The following ATF7IP variants were observed in gnomAD, a reference collection of about 807,000 sequenced individuals.
The protein encoded by ATF7IP is activating transcription factor 7-interacting protein 1.
A neutral mutation model predicts 106.4 loss-of-function variants in ATF7IP; 23 were observed. The ratio of observed to expected loss-of-function variants is 0.22; its 90% CI spans 0.16 to 0.31. The LOEUF (loss-of-function observed/expected upper bound fraction) is 0.31. Ranked by LOEUF, ATF7IP falls within the 10% of genes least tolerant of loss-of-function variation. The pLI is 1.00. For synonymous variants in ATF7IP, 542 were observed against 539.0 expected (o/e 1.01, Z -0.08); for missense variants, 1,334 against 1,524.3 (o/e 0.88, Z 2.08).
intron 4 of ATF7IP, among the ~76,000 whole-genome samples, chr12:14,437,288 C>A (rs541271276): frequency 6.6e-6 from 1 of 152,192 alleles, no homozygotes; most frequent in Non-Finnish European, 1.5e-5. Flanking sequence ...TGTTTTAGGA[C>A]AAAATTCTTT....
chr12:14,491,427 A>G (rs1350167716), intron 13 of ATF7IP, among the ~76,000 whole-genome samples: 2 of 152,204 alleles, frequency 1.3e-5, no homozygotes, highest in Non-Finnish European at 2.9e-5. Flanking sequence ...GAGGTAGAAG[A>G]TCCCTGAATT....
At chr12:14,436,045 A>C in intron 3 of ATF7IP, 61 bp from the exon 4 acceptor site, 1 of 1,517,884 alleles carries the variant, frequency 6.6e-7, no homozygotes, top group Non-Finnish European at 9.0e-7. Flanking sequence ...AGGATGGATA[A>C]TATGCATTAA....
intron 10 of ATF7IP, among the ~76,000 whole-genome samples, chr12:14,467,654 C>T (rs911852890): frequency 2.7e-5 from 4 of 150,292 alleles, no homozygotes; most frequent in African/African-American, 7.3e-5. Context: ...TTATGAACAT[C>T]TCTACTTCCC....
chr12:14,501,472 A>G lies in ATF7IP; in HGVS notation c.*3399A>G, dbSNP rs776933366. On this transcript the variant is annotated 3_prime_UTR_variant, in exon 15 of 15. Coordinates refer to ENST00000261168, the MANE Select transcript of ATF7IP (RefSeq NM_018179.5). ...TCTTCTAAAAATCTTGTTCTTGCCAAGAAATTTATAAATCACATACGAAGA... is the reference window on the plus strand; with the variant it reads ...TCTTCTAAAAATCTTGTTCTTGCCAGGAAATTTATAAATCACATACGAAGA... 4 of 152,226 alleles carry G rather than the reference A, an allele frequency of 2.6e-5. No individual in the cohort carries two copies. The highest frequency in any genetic ancestry group is 2.1e-4 in the South Asian group (1 of 4,836). 9.4% of individuals were successfully genotyped at this position (152,226 alleles called of 1,614,324 possible).
At chr12:14,484,845 A>G (rs1004379532) in intron 13 of ATF7IP, among the ~76,000 whole-genome samples, 3 of 152,164 alleles carry the variant, frequency 2.0e-5, no homozygotes, top group African/African-American at 7.2e-5. Context: ...GCTGCTGTGC[A>G]TGACCCGCTT....
intron 13 of ATF7IP, among the ~76,000 whole-genome samples, chr12:14,491,447 T>TCC (rs1944821024): frequency 6.6e-6 from 1 of 152,208 alleles, no homozygotes; most frequent in African/African-American, 2.4e-5. Context: ...TTGGTCAGAT[T>TCC]TATTTCCCAT....
rs1941738503 is a variant in ATF7IP at position 14,424,617 on chromosome 12, A to G, written c.702A>G (p.Ile234Met). 4 of 1,614,102 alleles carry G rather than the reference A, an allele frequency of 2.5e-6. No individual in the cohort carries two copies. The East Asian group carries it at 8.9e-5, about 36-fold the overall frequency. The stretch of plus-strand genomic sequence containing the variant: ...CTGATGATATAGCCTCTAGTGAAAT[A>G]ACTTCTGTTGATCTGGCTTCTGGAG... ...CAADDIASSE[I>M]TSVDLASGAP... The change falls in exon 2 of 15, where the codon ATA (isoleucine) becomes ATG (methionine). Residue 234 changes from isoleucine (I) to methionine (M), a missense_variant. By Grantham distance (10) the Ile-to-Met change is conservative (BLOSUM62 1). Coordinates refer to ENST00000261168, the MANE Select transcript of ATF7IP (RefSeq NM_018179.5).
chr12:14,469,483 C>G (rs1943958563), intron 10 of ATF7IP, among the ~76,000 whole-genome samples: 1 of 151,198 alleles, frequency 6.6e-6, no homozygotes, highest in African/African-American at 2.4e-5. Context: ...GAAGATTTAT[C>G]TGATATCCCC....
chr12:14,416,410 C>G (rs1941209448), intron 1 of ATF7IP, among the ~76,000 whole-genome samples: 1 of 147,978 alleles, frequency 6.8e-6, no homozygotes, highest in Admixed American at 6.6e-5. Context: ...ATGCCTTTGT[C>G]AAAGATAGAA....
intron 10 of ATF7IP, among the ~76,000 whole-genome samples, chr12:14,470,558 G>A (rs942586494): frequency 6.6e-6 from 1 of 152,146 alleles, no homozygotes; most frequent in African/African-American, 2.4e-5. Flanking sequence ...AAGGTCTACA[G>A]TCAGACAGCC....
At chr12:14,374,272 A>ATT (rs563859251) in intron 1 of ATF7IP, among the ~76,000 whole-genome samples, 28,214 of 105,542 alleles carry the variant, frequency 0.27, 4,903 homozygotes, top group Non-Finnish European at 0.37. Flanking sequence ...TAATTTTGTA[A>ATT]TTTTTTTTTT....
In ATF7IP at chr12:14,494,333, A is replaced by ATATATGTGTG. The variant is rs1234871100; in HGVS notation, c.3281-1897_3281-1896insATATGTGTGT. On this transcript the variant is annotated intron_variant, in intron 13 of 14. Transcript: ENST00000261168. ...TATATATATATATATATATATATAT[A>ATATATGTGTG]TGTGTGTGTGTATATGTATATATAC... 9.3e-4 allele frequency among the ~76,000 whole-genome samples: 80 copies of ATATATGTGTG among 85,930 alleles called. 1 individual carries two copies. Among genetic ancestry groups the ATATATGTGTG allele is most frequent in the African/African-American group, 1.5e-3 (34 of 22,024 alleles). The allele number at this position is 85,930 out of a possible 152,430, so 56.4% of individuals were successfully genotyped here.
Position 14,424,445 on chromosome 12 carries a change from G to A in ATF7IP, c.530G>A (p.Gly177Asp). The A allele has an allele frequency of 6.2e-7, 1 of 1,611,558 alleles. No individual in the cohort carries two copies. The highest frequency in any genetic ancestry group is 8.5e-7 in the Non-Finnish European group (1 of 1,179,134). Residue 177 changes from glycine to aspartate, a missense_variant, in exon 2 of 15, where the codon GGT becomes GAT. By Grantham distance (94) the Gly-to-Asp change is moderately conservative (BLOSUM62 -1). This residue lies in a region of ATF7IP where 438 missense variants were observed against 405.3 expected (regional missense o/e 1.08). Coordinates refer to ENST00000261168, the MANE Select transcript of ATF7IP (RefSeq NM_018179.5). ...GCTGCCTCTGGTGATGCAACCTCTGGTGATGCCCCTTCTGGTGATGTGTCC... is the reference window on the plus strand; with the variant it reads ...GCTGCCTCTGGTGATGCAACCTCTGATGATGCCCCTTCTGGTGATGTGTCC... ...SDAASGDATS[G>D]DAPSGDVSPG...
chr12:14,434,508 T>C (rs1237803853), intron 3 of ATF7IP, 85 bp downstream of exon 3: 1 of 932,200 alleles, frequency 1.1e-6, no homozygotes, highest in Admixed American at 2.8e-5. Context: ...TATTCTTTTT[T>C]GCCCATGAAA....
chr12:14,493,828 T>A (rs1018663572), intron 13 of ATF7IP, among the ~76,000 whole-genome samples: 1 of 152,126 alleles, frequency 6.6e-6, no homozygotes, highest in East Asian at 1.9e-4. Flanking sequence ...GAGATAAGAC[T>A]CTCATTCAGG....
At chr12:14,491,193 G>T (rs937124544) in intron 13 of ATF7IP, among the ~76,000 whole-genome samples, 5 of 152,174 alleles carry the variant, frequency 3.3e-5, no homozygotes, top group African/African-American at 1.2e-4. Context: ...GCCTTCTCCT[G>T]TTCTGGACCA....
rs1210993856 is a variant in ATF7IP at position 14,494,323 on chromosome 12, ATATATATATATG to A, written c.3281-1906_3281-1895del. Among the ~76,000 whole-genome samples, 7 of 86,868 alleles carry A rather than the reference ATATATATATATG, an allele frequency of 8.1e-5. 1 individual carries two copies. In the South Asian group the frequency reaches 1.2e-3, roughly 14 times the overall value. The allele number at this position is 86,868 out of a possible 152,430, so 57.0% of individuals were successfully genotyped here. ...TATATATATATATATATATATATAT[ATATATATATATG>A]TGTGTGTGTATATGTATATATACAC... On this transcript the variant is annotated intron_variant, in intron 13 of 14. Transcript: ENST00000261168.
intron 1 of ATF7IP, among the ~76,000 whole-genome samples, chr12:14,372,460 C>CAAAAA (rs11431179): frequency 1.6e-5 from 2 of 121,388 alleles, no homozygotes; most frequent in African/African-American, 6.2e-5. Flanking sequence ...AGCCACTTTT[C>CAAAAA]AAAAAAAAAA....
intron 1 of ATF7IP, among the ~76,000 whole-genome samples, chr12:14,383,000 C>A (rs1409057593): frequency 6.6e-6 from 1 of 152,046 alleles, no homozygotes; most frequent in African/African-American, 2.4e-5. Context: ...AAGGTGTTGG[C>A]CTTGACACTA....
Sources: gnomAD v4.1 joint callset for allele counts (sites outside exome capture counted in the v4.1 genomes callset) on GRCh38, gnomAD v4.1.1 for gene constraint, gnomAD v4.1.1 regional missense constraint, MANE v1.5 for transcripts, NCBI Gene and HGNC (gene_info 2026-07-23, HGNC 2026-07-21) for gene names.